The following ARFIP1 variants were observed in gnomAD, a reference collection of about 807,000 sequenced individuals.
ARFIP1 encodes the protein arfaptin-1.
Under a neutral mutation model 42.5 loss-of-function variants are expected in ARFIP1, and 24 were observed. The ratio of observed to expected loss-of-function variants is 0.57; its 90% CI spans 0.41 to 0.80. The LOEUF (loss-of-function observed/expected upper bound fraction) is 0.80. Ranked by LOEUF, ARFIP1 falls within the 30% of genes least tolerant of loss-of-function variation. The pLI, the probability that ARFIP1 is intolerant of heterozygous loss-of-function variation, is 0.00. For missense variants in ARFIP1, 354 were observed against 434.0 expected (o/e 0.82, Z 1.64); for synonymous variants, 141 against 153.7 (o/e 0.92, Z 0.61).
chr4:152,824,171 G>T (rs934087099), intron 1 of ARFIP1, among the ~76,000 whole-genome samples: 1 of 151,490 alleles, frequency 6.6e-6, no homozygotes, highest in Admixed American at 6.6e-5. Context: ...AAATTAGCTG[G>T]AAGTGTTGGT....
At chr4:152,789,193 C>T (rs535058546) in intron 1 of ARFIP1, among the ~76,000 whole-genome samples, 1 of 146,818 alleles carries the variant, frequency 6.8e-6, no homozygotes, top group African/African-American at 2.5e-5. Flanking sequence ...TGGGTTCAAG[C>T]GATTTTCCTG....
intron 1 of ARFIP1, among the ~76,000 whole-genome samples, chr4:152,828,634 G>A (rs1731026486): frequency 6.6e-6 from 1 of 152,168 alleles, no homozygotes; most frequent in Non-Finnish European, 1.5e-5. Context: ...TCCTTTATCA[G>A]ATGTGTTCTT....
intron 1 of ARFIP1, among the ~76,000 whole-genome samples, chr4:152,826,717 AG>A (rs1458268194): frequency 1.3e-5 from 2 of 152,220 alleles, no homozygotes; most frequent in African/African-American, 4.8e-5. Context: ...AGGATCTTGC[AG>A]GATCTTGCAC....
Position 152,910,420 on chromosome 4 carries a change from T to C in ARFIP1, c.*201T>C, listed in dbSNP as rs1738752318. The C allele has an allele frequency of 1.5e-5, 8 of 517,274 alleles. No individual in the cohort carries two copies. Among genetic ancestry groups the C allele is most frequent in the Non-Finnish European group, 2.5e-5 (8 of 314,594 alleles). The allele number at this position is 517,274 out of a possible 1,614,324, so 32.0% of individuals were successfully genotyped here. A position where few individuals can be genotyped will look rare whatever the true frequency, so the allele number is the denominator to read the frequency against. On this transcript the variant is annotated 3_prime_UTR_variant, in exon 9 of 9. Coordinates refer to ENST00000353617, the MANE Select transcript of ARFIP1 (RefSeq NM_001025595.3). ...TTTAATGTAAACATAGTTTCTATAA[T>C]CTGAACACAATAATTTTCCTTTTTG...
rs1185434075 is a variant in ARFIP1 at position 152,804,092 on chromosome 4, AAT to A, written c.-10+23873_-10+23874del. Among the ~76,000 whole-genome samples, 33 of 86,766 alleles carry A rather than the reference AAT, an allele frequency of 3.8e-4. 1 individual carries two copies. The highest frequency in any genetic ancestry group is 1.9e-3 in the East Asian group (6 of 3,106). The allele number at this position is 86,766 out of a possible 152,430, so 56.9% of individuals were successfully genotyped here. On this transcript the variant is annotated intron_variant, in intron 1 of 8. Transcript: ENST00000353617. The stretch of plus-strand genomic sequence containing the variant: ...ATATATATTATATATAATATAACGT[AAT>A]ATATATTATATATAATATAACATGT...
At chr4:152,836,584 C>G (rs1357911808) in intron 2 of ARFIP1, among the ~76,000 whole-genome samples, 1 of 151,954 alleles carries the variant, frequency 6.6e-6, no homozygotes, top group Non-Finnish European at 1.5e-5. Context: ...TTATTTACTA[C>G]AGTAATTAAA....
At chr4:152,796,588 C>T in intron 1 of ARFIP1, 1 of 850,726 alleles carries the variant, frequency 1.2e-6, no homozygotes, top group Non-Finnish European at 2.0e-6. Context: ...AGGTACTGCT[C>T]CCTGTGGAAT....
chr4:152,896,268 G>T (rs527544908), intron 8 of ARFIP1, among the ~76,000 whole-genome samples: 2 of 152,234 alleles, frequency 1.3e-5, no homozygotes, highest in South Asian at 4.1e-4. Flanking sequence ...GTAGTTTAGG[G>T]CCTACACAAA....
chr4:152,846,242 A>G (rs887246573), intron 2 of ARFIP1, among the ~76,000 whole-genome samples: 2 of 152,204 alleles, frequency 1.3e-5, no homozygotes, highest in African/African-American at 2.4e-5. Context: ...GTGAAAAACT[A>G]TTGAATACTA....
chr4:152,858,467 A>T (rs182450720), intron 2 of ARFIP1, among the ~76,000 whole-genome samples: 3 of 152,100 alleles, frequency 2.0e-5, no homozygotes, highest in Non-Finnish European at 4.4e-5. Context: ...CTTGTCTCCA[A>T]TGAGATGGCA....
At chr4:152,859,452 G>C (rs937158532) in intron 2 of ARFIP1, among the ~76,000 whole-genome samples, 2 of 152,124 alleles carry the variant, frequency 1.3e-5, no homozygotes, top group Non-Finnish European at 2.9e-5. Context: ...GAATTCCTCA[G>C]ATGCCTCATT....
intron 2 of ARFIP1, among the ~76,000 whole-genome samples, chr4:152,831,849 G>A (rs910552792): frequency 3.3e-5 from 5 of 152,022 alleles, no homozygotes; most frequent in African/African-American, 1.2e-4. Context: ...TGCCATGGTG[G>A]TTCGCTGCAC....
At chr4:152,849,488 A>G (rs1732814702) in intron 2 of ARFIP1, among the ~76,000 whole-genome samples, 1 of 152,206 alleles carries the variant, frequency 6.6e-6, no homozygotes, top group Admixed American at 6.5e-5. Context: ...TGAATTCAGT[A>G]TTTCTTTGAT....
chr4:152,786,213 A>C (rs1287157468), intron 1 of ARFIP1, among the ~76,000 whole-genome samples: 1 of 152,164 alleles, frequency 6.6e-6, no homozygotes, highest in Admixed American at 6.5e-5. Flanking sequence ...TAAGGGCATG[A>C]GTGTTTTCTG....
At chr4:152,824,305 T>A (rs1730637679) in intron 1 of ARFIP1, among the ~76,000 whole-genome samples, 1 of 148,936 alleles carries the variant, frequency 6.7e-6, no homozygotes, top group Non-Finnish European at 1.5e-5. Flanking sequence ...AGAGCAAGAC[T>A]CTTATCAAAA....
intron 3 of ARFIP1, among the ~76,000 whole-genome samples, chr4:152,866,323 C>G (rs919961463): frequency 4.5e-4 from 69 of 152,356 alleles, no homozygotes; most frequent in African/African-American, 1.6e-3. Context: ...CCACCTTTCC[C>G]CCTTTTCTAT....
In ARFIP1 at chr4:152,784,717, G is replaced by A. The variant is rs567202883; in HGVS notation, c.-10+4491G>A. ...AACTTTGGGTATTTGGAAAAAATCA[G>A]ATCCTCTCTTGAAAGACAAAGATTT... On this transcript the variant is annotated intron_variant, in intron 1 of 8. Transcript: ENST00000353617. 2.0e-5 allele frequency among the ~76,000 whole-genome samples: 3 copies of A among 152,350 alleles called. No homozygotes were observed. The East Asian group carries it at 5.8e-4, about 29-fold the overall frequency.
chr4:152,911,434 CCAGTACTGTTTTAGTTG>C lies in ARFIP1; in HGVS notation c.*1217_*1233del, dbSNP rs1255328429. 1 of 152,282 alleles carries C rather than the reference CCAGTACTGTTTTAGTTG, an allele frequency of 6.6e-6. No homozygotes were observed. The highest frequency in any genetic ancestry group is 1.5e-5 in the Non-Finnish European group (1 of 68,020). The allele number at this position is 152,282 out of a possible 1,614,324, so 9.4% of individuals were successfully genotyped here. ...CCAGGAAGAAAGAGGATTGGAAAGGCCAGTACTGTTTTAGTTGCTCGGCACTGTTGGTTTTGTTTTAA... is the reference window on the plus strand; with the variant it reads ...CCAGGAAGAAAGAGGATTGGAAAGGCCTCGGCACTGTTGGTTTTGTTTTAA... On this transcript the variant is annotated 3_prime_UTR_variant, in exon 9 of 9. Transcript: ENST00000353617.
intron 1 of ARFIP1, among the ~76,000 whole-genome samples, chr4:152,808,080 A>T (rs561542742): frequency 1.3e-5 from 2 of 152,062 alleles, no homozygotes; most frequent in Non-Finnish European, 2.9e-5. Flanking sequence ...TCCCAGGTTC[A>T]AGTGATTCTC....
Sources: allele counts gnomAD v4.1 joint callset (sites outside exome capture counted in the v4.1 genomes callset), GRCh38; gene constraint gnomAD v4.1.1; transcripts MANE v1.5; gene names NCBI Gene and HGNC (gene_info 2026-07-23, HGNC 2026-07-21).